PLCXD3: variants seen among roughly 807,000 people sequenced by gnomAD.
The protein encoded by PLCXD3 is PI-PLC X domain-containing protein 3.
A neutral mutation model predicts 25.5 loss-of-function variants in PLCXD3; 19 were observed. The observed-to-expected ratio is 0.75, with a 90% confidence interval of 0.52 to 1.09. The LOEUF is 1.09. Among genes scored for constraint, PLCXD3 ranks in the 50% least tolerant of loss-of-function variants. PLCXD3 has a pLI of 0.00. For missense variants in PLCXD3, 411 were observed against 388.1 expected (o/e 1.06, Z -0.50); for synonymous variants, 174 against 137.6 (o/e 1.26, Z -1.85).
At position 41,382,113 on chromosome 5, in the gene PLCXD3, A is replaced by C; in HGVS notation, c.525T>G (p.Phe175Leu). 6.2e-7 allele frequency: 1 copy of C among 1,613,772 alleles called. No individual in the cohort carries two copies. The highest frequency in any genetic ancestry group is 1.7e-5 in the Admixed American group (1 of 59,970). Residue 175 changes from phenylalanine to leucine, a missense_variant, in exon 2 of 3, where the codon TTT (phenylalanine) becomes TTG (leucine). Physicochemically the swap from Phe to Leu is conservative, Grantham distance 22. Coordinates refer to ENST00000377801, the MANE Select transcript of PLCXD3 (RefSeq NM_001005473.3). Reference protein sequence around the residue: ...IYGNKMCPAIFAQEVSLKYLW... With the variant: ...IYGNKMCPAILAQEVSLKYLW... ...GGTACTTTAAACTAACTTCCTGGGC[A>C]AAAATCGCTGGGCACATTTTATTTC...
chr5:41,455,500 G>C (rs989213863), intron 1 of PLCXD3, among the ~76,000 whole-genome samples: 2 of 151,804 alleles, frequency 1.3e-5, no homozygotes, highest in East Asian at 3.9e-4. Context: ...AGAGCAAAGG[G>C]GTAAGCCTTA....
At chr5:41,448,987 A>G (rs764772353) in intron 1 of PLCXD3, among the ~76,000 whole-genome samples, 16 of 152,192 alleles carry the variant, frequency 1.1e-4, no homozygotes, top group Non-Finnish European at 1.9e-4. Context: ...TGCACCTGCA[A>G]AACTTTCTGT....
intron 1 of PLCXD3, among the ~76,000 whole-genome samples, chr5:41,507,695 T>C (rs1749081018): frequency 6.6e-6 from 1 of 152,180 alleles, no homozygotes; most frequent in Admixed American, 6.5e-5. Flanking sequence ...CCGCTTTACC[T>C]AAGACAACCT....
At chr5:41,417,704 C>T (rs917627875) in intron 1 of PLCXD3, among the ~76,000 whole-genome samples, 5 of 152,180 alleles carry the variant, frequency 3.3e-5, no homozygotes, top group African/African-American at 1.2e-4. Context: ...CATCACAAAG[C>T]TGTTAAGCCA....
At chr5:41,418,935 G>A (rs1004369020) in intron 1 of PLCXD3, among the ~76,000 whole-genome samples, 4 of 152,202 alleles carry the variant, frequency 2.6e-5, no homozygotes, top group Non-Finnish European at 4.4e-5. Context: ...AAAGCAGTAG[G>A]AGTCAGAGAG....
intron 2 of PLCXD3, among the ~76,000 whole-genome samples, chr5:41,326,227 C>A (rs1430273251): frequency 6.6e-6 from 1 of 152,124 alleles, no homozygotes. Context: ...AGTGGTGCTA[C>A]CTGTAACTTC....
At chr5:41,451,404 A>G (rs1245455762) in intron 1 of PLCXD3, among the ~76,000 whole-genome samples, 1 of 152,002 alleles carries the variant, frequency 6.6e-6, no homozygotes, top group African/African-American at 2.4e-5. Flanking sequence ...TTACAATTCA[A>G]CTCGATAGAC....
intron 1 of PLCXD3, among the ~76,000 whole-genome samples, chr5:41,396,411 C>T (rs1289338874): frequency 6.6e-6 from 1 of 152,168 alleles, no homozygotes; most frequent in African/African-American, 2.4e-5. Flanking sequence ...TTCCTGAGGC[C>T]TCTCAGCCAT....
At chr5:41,322,133 TG>T (rs1179866411) in intron 2 of PLCXD3, among the ~76,000 whole-genome samples, 2 of 152,046 alleles carry the variant, frequency 1.3e-5, no homozygotes, top group Non-Finnish European at 1.5e-5. Flanking sequence ...ATCAACAAAG[TG>T]AAGAGACAAC....
chr5:41,433,155 C>T (rs1218318508), intron 1 of PLCXD3, among the ~76,000 whole-genome samples: 2 of 152,182 alleles, frequency 1.3e-5, no homozygotes, highest in Admixed American at 1.3e-4. Context: ...TTTGTGGCTA[C>T]TCATCTGCTG....
chr5:41,452,735 C>G (rs1367347576), intron 1 of PLCXD3, among the ~76,000 whole-genome samples: 2 of 151,936 alleles, frequency 1.3e-5, no homozygotes, highest in African/African-American at 4.8e-5. Context: ...TTTTTTTGTG[C>G]AATGCTGGCA....
chr5:41,368,412 T>C (rs991448941), intron 2 of PLCXD3, among the ~76,000 whole-genome samples: 1 of 152,200 alleles, frequency 6.6e-6, no homozygotes, highest in African/African-American at 2.4e-5. Flanking sequence ...GTGAAGTTGC[T>C]TGTCAGCTTA....
intron 1 of PLCXD3, among the ~76,000 whole-genome samples, chr5:41,422,151 C>T (rs1003896177): frequency 5.3e-5 from 8 of 152,124 alleles, no homozygotes; most frequent in Non-Finnish European, 1.2e-4. Flanking sequence ...ATTGGAACTC[C>T]ATATTTCTGA....
intron 1 of PLCXD3, 68 bp downstream of exon 1, chr5:41,510,356 C>T (rs1417768016): frequency 1.3e-5 from 18 of 1,342,414 alleles, no homozygotes; most frequent in Non-Finnish European, 1.8e-5. Flanking sequence ...CACTTAGTGG[C>T]AGATAAAGCA....
At chr5:41,467,457 T>C (rs1218845773) in intron 1 of PLCXD3, among the ~76,000 whole-genome samples, 1 of 152,172 alleles carries the variant, frequency 6.6e-6, no homozygotes, top group Non-Finnish European at 1.5e-5. Flanking sequence ...TATTAACCTC[T>C]TAACAGATTT....
intron 1 of PLCXD3, among the ~76,000 whole-genome samples, chr5:41,507,301 G>T (rs180834825): frequency 6.6e-6 from 1 of 152,052 alleles, no homozygotes. Context: ...AAATATGCAC[G>T]AATTAAAACT....
At chr5:41,452,882 T>C (rs954466329) in intron 1 of PLCXD3, among the ~76,000 whole-genome samples, 1 of 152,066 alleles carries the variant, frequency 6.6e-6, no homozygotes, top group African/African-American at 2.4e-5. Context: ...CGTTTTATTT[T>C]TAATTTACAA....
intron 2 of PLCXD3, among the ~76,000 whole-genome samples, chr5:41,324,435 C>T (rs1238033272): frequency 1.3e-5 from 2 of 152,184 alleles, no homozygotes; most frequent in Non-Finnish European, 2.9e-5. Context: ...ATTTTCCTGT[C>T]AGACCCAGAT....
chr5:41,337,306 A>G (rs1744014486), intron 2 of PLCXD3, among the ~76,000 whole-genome samples: 1 of 152,116 alleles, frequency 6.6e-6, no homozygotes, highest in African/African-American at 2.4e-5. Flanking sequence ...TATGAATAAT[A>G]TATAAAAGGC....
Sources: allele counts gnomAD v4.1 joint callset (sites outside exome capture counted in the v4.1 genomes callset), GRCh38; gene constraint gnomAD v4.1.1; transcripts MANE v1.5; gene names NCBI Gene and HGNC (gene_info 2026-07-23, HGNC 2026-07-21).